LY6L: variants seen among roughly 807,000 people sequenced by gnomAD.
The protein encoded by LY6L is lymphocyte antigen 6L.
Under a neutral mutation model 8.3 loss-of-function variants are expected in LY6L, and 8 were observed. That is an observed-to-expected ratio of 0.97 (90% CI 0.57 to 1.74). LY6L has a LOEUF of 1.74. Among genes scored for constraint, LY6L ranks in the 40% most tolerant of loss-of-function variants. The pLI, the probability that LY6L is intolerant of heterozygous loss-of-function variation, is 0.00. For synonymous variants in LY6L, 79 were observed against 77.9 expected, an observed-to-expected ratio of 1.01 and a Z score of -0.07; for missense variants, 156 against 183.8, an observed-to-expected ratio of 0.85 and a Z score of 0.87.
In LY6L at chr8:143,081,296, C is replaced by A; in HGVS notation, c.159C>A (p.Val53=). ...PPTWCSPLDQ[V]CISNEVVVSF... ...CCTGGTGCAGCCCGCTGGACCAAGT[C>A]TGCATCTCCAACGAGGTGGTCGTCT... is the stretch of plus-strand genomic sequence containing the variant. The change falls in exon 3 of 4, where the codon GTC becomes GTA. Residue 53 remains valine, a synonymous_variant. Coordinates refer to ENST00000562505, the MANE Select transcript of LY6L (RefSeq NM_001368160.2). 1 of 1,532,392 alleles carries A rather than the reference C, an allele frequency of 6.5e-7. No homozygotes were observed. The highest frequency in any genetic ancestry group is 1.2e-5 in the South Asian group (1 of 83,784). The allele number at this position is 1,532,392 out of a possible 1,614,324, so 94.9% of individuals were successfully genotyped here. A position where few individuals can be genotyped will look rare whatever the true frequency, so the allele number is the denominator to read the frequency against.
rs1260592994 is a variant in LY6L, at chr8:143,081,028, C to T, written c.-18-8C>T. 1 of 1,525,010 alleles carries T rather than the reference C, an allele frequency of 6.6e-7. No homozygotes were observed. Among genetic ancestry groups the T allele is most frequent in the Non-Finnish European group, 8.8e-7 (1 of 1,138,502 alleles). 94.5% of individuals were successfully genotyped at this position (1,525,010 alleles called of 1,614,324 possible). On this transcript the variant is annotated splice_polypyrimidine_tract_variant and splice_region_variant and intron_variant, in intron 1 of 3. Coordinates refer to ENST00000562505, the MANE Select transcript of LY6L (RefSeq NM_001368160.2). ...AGCCTCCCGCAACACCCACCTCACC[C>T]CACTCAGGCTGAGCCTTCTGGCGTC... is the stretch of plus-strand genomic sequence containing the variant.
chr8:143,080,924 G>A, intron 1 of LY6L, 112 bp from the exon 2 acceptor site: 1 of 737,008 alleles, frequency 1.4e-6, no homozygotes, highest in East Asian at 2.9e-5. Context: ...AGCGCAGGAG[G>A]CTAGTGTGGG....
rs200469249 is a variant in LY6L at position 143,082,667 on chromosome 8, G to GC, written c.*21dup. 868 of 1,450,470 alleles carry GC rather than the reference G, an allele frequency of 6.0e-4. 4 individuals are homozygous for GC. The African/African-American group carries it at 9.6e-3, about 16-fold the overall frequency. 89.8% of individuals were successfully genotyped at this position (1,450,470 alleles called of 1,614,324 possible). ...CCTGTTGTGAGGGCCCTCCCTTTAC[G>GC]CCCCCTCCTGGCCCTGCTGGCCCAT... On this transcript the variant is annotated 3_prime_UTR_variant, in exon 4 of 4. Transcript: ENST00000562505.
intron 3 of LY6L, among the ~76,000 whole-genome samples, chr8:143,081,931 T>C (rs912679094): frequency 6.6e-6 from 1 of 152,238 alleles, no homozygotes; most frequent in Non-Finnish European, 1.5e-5. Flanking sequence ...TGTGCATCTC[T>C]TCAGGGGTTC....
At chr8:143,080,723 T>C (rs921066439) in intron 1 of LY6L, 64 bp downstream of exon 1, 3 of 312,806 alleles carry the variant, frequency 9.6e-6, no homozygotes, top group Non-Finnish European at 1.8e-5. Flanking sequence ...GAGAACGGGC[T>C]CCGAGGGTTT....
In LY6L at chr8:143,082,441, C is replaced by T. The variant is rs1820447014; in HGVS notation, c.207C>T (p.Val69=). ...TTTCTGCAGAATGGAGTGTACGCGT[C>T]CTGCTCAGCAAACGCTGTGCTCCCA... ...VVVSFKWSVR[V]LLSKRCAPRC... is the part of the protein sequence containing the mutation. The change falls in exon 4 of 4, where the codon GTC becomes GTT. Residue 69 remains valine (V), a synonymous_variant. Coordinates refer to ENST00000562505, the MANE Select transcript of LY6L (RefSeq NM_001368160.2). The T allele has an allele frequency of 6.5e-7, 1 of 1,535,250 alleles. No individual in the cohort carries two copies. The highest frequency in any genetic ancestry group is 1.4e-5 in the African/African-American group (1 of 73,172).
intron 1 of LY6L, 126 bp downstream of exon 1, chr8:143,080,785 A>G: frequency 2.3e-6 from 1 of 441,474 alleles, no homozygotes; most frequent in East Asian, 3.8e-5. Context: ...GGGAGAGGGA[A>G]TGCGGGGAAG....
chr8:143,081,992 G>C (rs1417205106), intron 3 of LY6L, among the ~76,000 whole-genome samples: 1 of 152,202 alleles, frequency 6.6e-6, no homozygotes, highest in East Asian at 1.9e-4. Flanking sequence ...ATGTCTTTAA[G>C]TGAGCAGTAC....
intron 3 of LY6L, among the ~76,000 whole-genome samples, chr8:143,081,922 G>A (rs557795316): frequency 6.6e-6 from 1 of 152,318 alleles, no homozygotes; most frequent in African/African-American, 2.4e-5. Context: ...TTTTGATGCT[G>A]TGCATCTCTT....
In LY6L at chr8:143,082,818, C is replaced by T; in HGVS notation, c.*167C>T. 1.7e-6 allele frequency: 1 copy of T among 593,582 alleles called. No individual in the cohort carries two copies. Among genetic ancestry groups the T allele is most frequent in the South Asian group, 2.9e-5 (1 of 34,784 alleles). The allele number at this position is 593,582 out of a possible 1,614,324, so 36.8% of individuals were successfully genotyped here. ...CATCCCGGATCTAGCCACCTCACTC[C>T]TCCCCACCGGGGGCCCCTTTGCTGG... On this transcript the variant is annotated 3_prime_UTR_variant, in exon 4 of 4. Transcript: ENST00000562505.
Position 143,082,477 on chromosome 8 carries a change from C to A in LY6L, c.243C>A (p.Asn81Lys), listed in dbSNP as rs1455333479. The change falls in exon 4 of 4, where the codon AAC (asparagine) becomes AAA (lysine). Residue 81 changes from asparagine to lysine, a missense_variant. Physicochemically the swap from Asn to Lys is moderately conservative, Grantham distance 94. Coordinates refer to ENST00000562505, the MANE Select transcript of LY6L (RefSeq NM_001368160.2). ...AACGCTGTGCTCCCAGATGTCCCAACGACAACATGAAGTTCGAATGGTCGC... is the reference window on the plus strand; with the variant it reads ...AACGCTGTGCTCCCAGATGTCCCAAAGACAACATGAAGTTCGAATGGTCGC... Reference protein sequence around the residue: ...LSKRCAPRCPNDNMKFEWSPA... With the variant: ...LSKRCAPRCPKDNMKFEWSPA... 6.5e-7 allele frequency: 1 copy of A among 1,535,510 alleles called. No individual in the cohort carries two copies. Among genetic ancestry groups the A allele is most frequent in the South Asian group, 1.2e-5 (1 of 84,056 alleles).
chr8:143,081,430 G>A, intron 3 of LY6L, 103 bp downstream of exon 3: 2 of 683,636 alleles, frequency 2.9e-6, no homozygotes, highest in South Asian at 4.2e-5. Context: ...TCCAGGGCCT[G>A]GGGCCCTGTG....
intron 2 of LY6L, 32 bp from the exon 3 acceptor site, chr8:143,081,179 C>G (rs1341146770): frequency 2.0e-6 from 3 of 1,525,854 alleles, no homozygotes; most frequent in Admixed American, 2.0e-5. Context: ...GCTGCGGACG[C>G]TGGTCCACAG....
At position 143,081,089 on chromosome 8, in the gene LY6L, G is replaced by A. The variant is rs1350401760; in HGVS notation, c.36G>A (p.Pro12=). 1.3e-6 allele frequency: 2 copies of A among 1,534,766 alleles called. No homozygotes were observed. The highest frequency in any genetic ancestry group is 1.7e-6 in the Non-Finnish European group (2 of 1,146,356). Residue 12 remains proline (P), a synonymous_variant, in exon 2 of 4, where the codon CCG becomes CCA. Coordinates refer to ENST00000562505, the MANE Select transcript of LY6L (RefSeq NM_001368160.2). The part of the protein sequence containing the change: ...ERLVLTLCTL[P]LAVASAGCAT... ...TCGTCCTAACCCTGTGCACCCTCCC[G>A]CTGGCTGTGGCGTCTGCTGGCTGCG...
At position 143,082,431 on chromosome 8, in the gene LY6L, G is replaced by A. The variant is rs1014827343; in HGVS notation, c.197G>A (p.Ser66Asn). 5.2e-6 allele frequency: 8 copies of A among 1,533,566 alleles called. No individual in the cohort carries two copies. Among genetic ancestry groups the A allele is most frequent in the Admixed American group, 2.0e-5 (1 of 50,924 alleles). The allele number at this position is 1,533,566 out of a possible 1,614,324, so 95.0% of individuals were successfully genotyped here. The change falls in exon 4 of 4, where the codon AGT (serine) becomes AAT (asparagine). Residue 66 changes from serine to asparagine, a missense_variant. Physicochemically the swap from Ser to Asn is conservative, Grantham distance 46. Coordinates refer to ENST00000562505, the MANE Select transcript of LY6L (RefSeq NM_001368160.2). The stretch of plus-strand genomic sequence containing the variant: ...CCTCTCCTCTTTTCTGCAGAATGGA[G>A]TGTACGCGTCCTGCTCAGCAAACGC... The part of the protein sequence containing the change: ...SNEVVVSFKW[S>N]VRVLLSKRCA...
rs113753725 is a variant in LY6L, at chr8:143,082,956, G to A, written c.*305G>A. 14 of 372,470 alleles carry A rather than the reference G, an allele frequency of 3.8e-5. No homozygotes were observed. Among genetic ancestry groups the A allele is most frequent in the South Asian group, 1.6e-4 (4 of 24,712 alleles). The allele number at this position is 372,470 out of a possible 1,614,324, so 23.1% of individuals were successfully genotyped here. ...GGTGATGGGAAGGACGGTGCCTCTG[G>A]TGTGGGTGATGGGAAGGACGGTGCC... On this transcript the variant is annotated 3_prime_UTR_variant, in exon 4 of 4. Coordinates refer to ENST00000562505, the MANE Select transcript of LY6L (RefSeq NM_001368160.2).
At chr8:143,082,002 C>T (rs953600102) in intron 3 of LY6L, among the ~76,000 whole-genome samples, 1 of 152,148 alleles carries the variant, frequency 6.6e-6, no homozygotes, top group African/African-American at 2.4e-5. Context: ...GTGAGCAGTA[C>T]AGAGAAACGA....
Position 143,082,760 on chromosome 8 carries a change from T to G in LY6L, c.*109T>G, listed in dbSNP as rs1820454881. The G allele has an allele frequency of 1.1e-6, 1 of 916,896 alleles. No homozygotes were observed. The highest frequency in any genetic ancestry group is 3.1e-5 in the Admixed American group (1 of 32,624). 56.8% of individuals were successfully genotyped at this position (916,896 alleles called of 1,614,324 possible). A position where few individuals can be genotyped will look rare whatever the true frequency, so the allele number is the denominator to read the frequency against. On this transcript the variant is annotated 3_prime_UTR_variant, in exon 4 of 4. Coordinates refer to ENST00000562505, the MANE Select transcript of LY6L (RefSeq NM_001368160.2). Reference sequence around the variant, plus strand: ...CAGGACACTGGGGGGGGACCCTCCCTCTCTGAGGTGGTGGGGAGGGTGCCA... The same window carrying G: ...CAGGACACTGGGGGGGGACCCTCCCGCTCTGAGGTGGTGGGGAGGGTGCCA...
chr8:143,082,657 C>T lies in LY6L; in HGVS notation c.*6C>T. On this transcript the variant is annotated 3_prime_UTR_variant, in exon 4 of 4. Coordinates refer to ENST00000562505, the MANE Select transcript of LY6L (RefSeq NM_001368160.2). ...TCCTCAGGGCCCTGTTGTGAGGGCC[C>T]TCCCTTTACGCCCCCTCCTGGCCCT... 1 of 1,468,464 alleles carries T rather than the reference C, an allele frequency of 6.8e-7. No individual in the cohort carries two copies. Among genetic ancestry groups the T allele is most frequent in the Non-Finnish European group, 9.0e-7 (1 of 1,111,220 alleles). 91.0% of individuals were successfully genotyped at this position (1,468,464 alleles called of 1,614,324 possible).
Sources: gnomAD v4.1 joint callset for allele counts (sites outside exome capture counted in the v4.1 genomes callset) on GRCh38, gnomAD v4.1.1 for gene constraint, MANE v1.5 for transcripts, NCBI Gene and HGNC (gene_info 2026-07-23, HGNC 2026-07-21) for gene names.